Variants in TXNDC12 observed in about 807,000 individuals in gnomAD.
The protein encoded by TXNDC12 is thioredoxin domain containing 12.
Under a neutral mutation model 24.2 loss-of-function variants are expected in TXNDC12, and 22 were observed. The ratio of observed to expected loss-of-function variants is 0.91; its 90% CI spans 0.65 to 1.30. TXNDC12 has a LOEUF of 1.30. TXNDC12 is among the 50% of genes most tolerant of loss of function. The pLI, the probability that TXNDC12 is intolerant of heterozygous loss-of-function variation, is 0.00. For missense variants in TXNDC12, 184 were observed against 205.8 expected (o/e 0.89, Z 0.65); for synonymous variants, 58 against 73.4 (o/e 0.79, Z 1.07).
Position 52,040,935 on chromosome 1 carries a change from G to A in TXNDC12, c.158+602C>T, listed in dbSNP as rs181539315. 4.6e-3 allele frequency among the ~76,000 whole-genome samples: 701 copies of A among 152,090 alleles called. 5 individuals carry two copies. The highest frequency in any genetic ancestry group is 0.016 in the African/African-American group (654 of 41,470). ...TAATCTCAGCTACGTGGGAGGCTGAGGCTTGACAAGAATTGCTTGAACCTG... is the reference window on the plus strand; with the variant it reads ...TAATCTCAGCTACGTGGGAGGCTGAAGCTTGACAAGAATTGCTTGAACCTG... On this transcript the variant is annotated intron_variant, in intron 2 of 6. Transcript: ENST00000371626.
intron 4 of TXNDC12, among the ~76,000 whole-genome samples, chr1:52,026,043 C>A (rs1685667793): frequency 6.6e-6 from 1 of 151,986 alleles, no homozygotes; most frequent in South Asian, 2.1e-4. Flanking sequence ...ATTGGCCAGG[C>A]TGGTCTTGAA....
intron 4 of TXNDC12, among the ~76,000 whole-genome samples, chr1:52,026,360 A>G (rs1173786611): frequency 6.6e-6 from 1 of 151,850 alleles, no homozygotes; most frequent in African/African-American, 2.4e-5. Flanking sequence ...ATCCCTTCCA[A>G]CTCTAAGATC....
Position 52,020,750 on chromosome 1 carries a change from C to T in TXNDC12, c.*183G>A, listed in dbSNP as rs1295992039. 1.1e-5 allele frequency: 6 copies of T among 546,772 alleles called. No individual in the cohort carries two copies. Among genetic ancestry groups the T allele is most frequent in the East Asian group, 3.0e-5 (1 of 33,828 alleles). 33.9% of individuals were successfully genotyped at this position (546,772 alleles called of 1,614,324 possible). On this transcript the variant is annotated 3_prime_UTR_variant, in exon 7 of 7. Transcript: ENST00000371626. Reference sequence around the variant, plus strand: ...GAAAGTCTGCCACTCTCCGCTGGATCCACAAACATGCAGACCAGCTTCTGT... The same window carrying T: ...GAAAGTCTGCCACTCTCCGCTGGATTCACAAACATGCAGACCAGCTTCTGT...
At chr1:52,031,025 TG>T (rs1240884944) in intron 2 of TXNDC12, among the ~76,000 whole-genome samples, 1 of 152,212 alleles carries the variant, frequency 6.6e-6, no homozygotes, top group African/African-American at 2.4e-5. Flanking sequence ...TCTACAGTGA[TG>T]GTTCAAATGT....
intron 3 of TXNDC12, 147 bp downstream of exon 3, chr1:52,028,431 T>C: frequency 4.7e-6 from 3 of 642,538 alleles, no homozygotes; most frequent in Admixed American, 6.9e-5. Flanking sequence ...GCAAATTTCA[T>C]GAAGGCAGGA....
In TXNDC12 at chr1:52,029,201, G is replaced by A. The variant is rs574196651; in HGVS notation, c.159-571C>T. ...CATTGAAAATAATTTTTCATTGGTA[G>A]CTTATATAAAAAACTAGGATACAAA... On this transcript the variant is annotated intron_variant, in intron 2 of 6. Coordinates refer to ENST00000371626, the MANE Select transcript of TXNDC12 (RefSeq NM_015913.4). Among the ~76,000 whole-genome samples, 3 of 152,178 alleles carry A rather than the reference G, an allele frequency of 2.0e-5. No homozygotes were observed. In the South Asian group the frequency reaches 6.2e-4, roughly 32 times the overall value.
intron 1 of TXNDC12, among the ~76,000 whole-genome samples, chr1:52,047,347 TA>T (rs1686115306): frequency 6.6e-6 from 1 of 152,152 alleles, no homozygotes; most frequent in South Asian, 2.1e-4. Flanking sequence ...AGAGGGACTA[TA>T]ATTACTAACT....
intron 1 of TXNDC12, among the ~76,000 whole-genome samples, chr1:52,046,318 AGAT>A (rs1686088233): frequency 6.6e-6 from 1 of 152,138 alleles, no homozygotes; most frequent in Non-Finnish European, 1.5e-5. Context: ...TCCAGGCAAG[AGAT>A]GATAGTGGAC....
intron 3 of TXNDC12, among the ~76,000 whole-genome samples, chr1:52,028,200 C>A (rs971962828): frequency 6.6e-6 from 1 of 152,070 alleles, no homozygotes; most frequent in Non-Finnish European, 1.5e-5. Flanking sequence ...AAAAGCCTGT[C>A]TGGGGAAGTG....
intron 1 of TXNDC12, among the ~76,000 whole-genome samples, chr1:52,041,950 C>T (rs1686001669): frequency 6.6e-6 from 1 of 152,154 alleles, no homozygotes; most frequent in Non-Finnish European, 1.5e-5. Context: ...AAATCATAAC[C>T]AATTGAAGGT....
At chr1:52,040,554 T>C (rs1557996102) in intron 2 of TXNDC12, among the ~76,000 whole-genome samples, 2 of 152,230 alleles carry the variant, frequency 1.3e-5, no homozygotes. Context: ...TAAATGATAA[T>C]ATAGACTAAT....
intron 1 of TXNDC12, chr1:52,052,621 C>T (rs1686237338): frequency 6.3e-6 from 1 of 159,424 alleles, no homozygotes; most frequent in Non-Finnish European, 1.5e-5. Context: ...CAAGCCTTTC[C>T]CAGTGTGCCT....
intron 2 of TXNDC12, among the ~76,000 whole-genome samples, chr1:52,030,862 G>A (rs186929819): frequency 6.6e-6 from 1 of 152,234 alleles, no homozygotes; most frequent in East Asian, 1.9e-4. Flanking sequence ...ACTCCTTTGT[G>A]ATATGTTAAA....
At chr1:52,031,805 A>T (rs115867337) in intron 2 of TXNDC12, among the ~76,000 whole-genome samples, 1,709 of 152,304 alleles carry the variant, frequency 0.011, 47 homozygotes, top group African/African-American at 0.039. Context: ...AAGAGCAAAA[A>T]CACTGTATCT....
intron 2 of TXNDC12, chr1:52,032,211 A>G (rs887631424): frequency 2.0e-6 from 2 of 985,870 alleles, no homozygotes; most frequent in South Asian, 9.4e-5. Flanking sequence ...TTATCTGTGA[A>G]CTCGGTCCCA....
chr1:52,046,504 A>G (rs1409278872), intron 1 of TXNDC12, among the ~76,000 whole-genome samples: 1 of 152,200 alleles, frequency 6.6e-6, no homozygotes, highest in Non-Finnish European at 1.5e-5. Context: ...TGCCATTTAC[A>G]GTGAGGATGA....
chr1:52,027,508 T>C (rs1042949040), intron 3 of TXNDC12, among the ~76,000 whole-genome samples, 160 bp from the exon 4 acceptor site: 4 of 152,186 alleles, frequency 2.6e-5, no homozygotes, highest in African/African-American at 9.6e-5. Context: ...AGAATTAGGC[T>C]ACCTGGATTC....
intron 1 of TXNDC12, among the ~76,000 whole-genome samples, chr1:52,049,985 T>C (rs529455135): frequency 6.6e-6 from 1 of 152,358 alleles, no homozygotes; most frequent in Admixed American, 6.5e-5. Context: ...GAAACTCTAA[T>C]TATCCCTTTA....
intron 6 of TXNDC12, 58 bp downstream of exon 6, chr1:52,023,433 T>A: frequency 7.3e-7 from 1 of 1,372,908 alleles, no homozygotes; most frequent in Non-Finnish European, 1.0e-6. Context: ...AGACCTTGCA[T>A]GTGGTTCATC....
Sources: gnomAD v4.1 joint callset for allele counts (sites outside exome capture counted in the v4.1 genomes callset) on GRCh38, gnomAD v4.1.1 for gene constraint, MANE v1.5 for transcripts, NCBI Gene and HGNC (gene_info 2026-07-23, HGNC 2026-07-21) for gene names.